The following CALN1 variants were observed in gnomAD, a reference collection of about 807,000 sequenced individuals.
CALN1 encodes the protein calneuron 1.
CALN1 carries 17 observed loss-of-function variants against 30.6 expected under a neutral mutation model. The ratio of observed to expected loss-of-function variants is 0.56; its 90% confidence interval spans 0.38 to 0.83. The LOEUF (loss-of-function observed/expected upper bound fraction) is 0.83, where lower values mean the gene tolerates loss of function less well. CALN1 is among the 40% of genes least tolerant of loss of function. The pLI, the probability that CALN1 is intolerant of heterozygous loss-of-function variation, is 0.00. For synonymous variants in CALN1, 156 were observed against 131.4 expected, an observed-to-expected ratio of 1.19 and a Z score of -1.28; for missense variants, 291 against 354.9, an observed-to-expected ratio of 0.82 and a Z score of 1.45.
intron 5 of CALN1, among the ~76,000 whole-genome samples, chr7:72,008,296 T>C (rs1453342824): frequency 6.6e-6 from 1 of 152,092 alleles, no homozygotes; most frequent in Non-Finnish European, 1.5e-5. Context: ...CAAATAACTA[T>C]TGAGTGAATG....
At chr7:72,217,007 G>T (rs1310909778) in intron 3 of CALN1, among the ~76,000 whole-genome samples, 3 of 152,050 alleles carry the variant, frequency 2.0e-5, no homozygotes, top group African/African-American at 7.2e-5. Flanking sequence ...CAAAGTGCTG[G>T]GATTACAGGT....
At chr7:71,902,331 C>T (rs1486714567) in intron 5 of CALN1, among the ~76,000 whole-genome samples, 1 of 150,890 alleles carries the variant, frequency 6.6e-6, no homozygotes, top group African/African-American at 2.4e-5. Context: ...CATCACTAAT[C>T]ATCAGAGAAA....
intron 2 of CALN1, among the ~76,000 whole-genome samples, chr7:72,350,467 C>A (rs1013468029): frequency 2.6e-5 from 4 of 152,194 alleles, no homozygotes; most frequent in Non-Finnish European, 5.9e-5. Context: ...AGAATGAGAT[C>A]ATGTCTTTTG....
At chr7:71,824,947 A>G (rs770708524) in intron 5 of CALN1, among the ~76,000 whole-genome samples, 5 of 152,172 alleles carry the variant, frequency 3.3e-5, no homozygotes, top group Non-Finnish European at 7.3e-5. Flanking sequence ...ATCTTGGTAC[A>G]CAGTATAAAA....
intron 2 of CALN1, among the ~76,000 whole-genome samples, chr7:72,307,896 C>CA (rs59226068): frequency 4.0e-4 from 59 of 146,170 alleles, no homozygotes; most frequent in African/African-American, 1.4e-3. Context: ...AAGGCAGAGA[C>CA]AAAAAAAAAA....
At chr7:71,934,277 T>C (rs1179702943) in intron 5 of CALN1, among the ~76,000 whole-genome samples, 1 of 152,210 alleles carries the variant, frequency 6.6e-6, no homozygotes, top group Non-Finnish European at 1.5e-5. Flanking sequence ...TTAAGTGGAA[T>C]AGAGAAAACT....
chr7:72,025,717 G>A (rs570482662), intron 4 of CALN1, among the ~76,000 whole-genome samples: 1 of 152,196 alleles, frequency 6.6e-6, no homozygotes, highest in East Asian at 1.9e-4. Context: ...TACCTTGGCT[G>A]CAGCCAGCAC....
intron 5 of CALN1, among the ~76,000 whole-genome samples, chr7:71,840,805 G>A (rs748254318): frequency 3.9e-5 from 6 of 152,154 alleles, no homozygotes; most frequent in Admixed American, 1.3e-4. Context: ...GGTAGCCTTC[G>A]TTAGCACTGT....
intron 1 of CALN1, among the ~76,000 whole-genome samples, chr7:72,437,219 G>A (rs535111128): frequency 6.6e-6 from 1 of 152,102 alleles, no homozygotes; most frequent in African/African-American, 2.4e-5. Context: ...GGCGATCTGG[G>A]GTTTAGCTCT....
intron 5 of CALN1, among the ~76,000 whole-genome samples, chr7:71,936,220 T>G (rs1795821895): frequency 6.6e-6 from 1 of 151,962 alleles, no homozygotes; most frequent in African/African-American, 2.4e-5. Context: ...ATGAGTGGAC[T>G]GGGCGCGGTG....
In CALN1 at chr7:71,849,436, A is replaced by ATTTT. The variant is rs3063933; in HGVS notation, c.502-38948_502-38945dup. Among the ~76,000 whole-genome samples, 690 of 140,256 alleles carry ATTTT rather than the reference A, an allele frequency of 4.9e-3. 4 individuals carry two copies. The highest frequency in any genetic ancestry group is 0.017 in the African/African-American group (641 of 38,130). 92.0% of individuals were successfully genotyped at this position (140,256 alleles called of 152,430 possible). On this transcript the variant is annotated intron_variant, in intron 5 of 6. Coordinates refer to ENST00000395275, the MANE Select transcript of CALN1 (RefSeq NM_031468.4). ...TTCTTTTTCAATCTTGGATCTTCCT[A>ATTTT]TTTTTTTTTTTTTTTGCCACATGTA...
intron 2 of CALN1, among the ~76,000 whole-genome samples, chr7:72,323,317 C>CGAA (rs1801025435): frequency 1.3e-5 from 2 of 152,100 alleles, no homozygotes; most frequent in African/African-American, 4.8e-5. Flanking sequence ...GGAAGCCCTT[C>CGAA]GTGTGAAGCT....
chr7:72,095,000 C>T (rs961080706), intron 4 of CALN1, among the ~76,000 whole-genome samples: 4 of 152,096 alleles, frequency 2.6e-5, no homozygotes, highest in Middle Eastern at 3.4e-3. Flanking sequence ...GACTCAGGGG[C>T]GTGTGTGTGT....
intron 2 of CALN1, among the ~76,000 whole-genome samples, chr7:72,334,548 G>A (rs1193916530): frequency 2.6e-5 from 4 of 151,662 alleles, no homozygotes; most frequent in South Asian, 2.1e-4. Context: ...CAGAGGAAAG[G>A]GCATCATGTG....
At chr7:71,793,103 G>A (rs998152807) in intron 6 of CALN1, among the ~76,000 whole-genome samples, 4 of 152,004 alleles carry the variant, frequency 2.6e-5, no homozygotes, top group African/African-American at 4.8e-5. Flanking sequence ...TCAGGAGTTC[G>A]AGACCAGCTT....
intron 2 of CALN1, among the ~76,000 whole-genome samples, chr7:72,379,090 T>G (rs934266700): frequency 7.9e-5 from 12 of 152,228 alleles, no homozygotes; most frequent in African/African-American, 1.4e-4. Flanking sequence ...ATTTTTTCAT[T>G]TGTCAAAATT....
intron 5 of CALN1, among the ~76,000 whole-genome samples, chr7:71,927,616 C>T (rs1486792979): frequency 6.6e-6 from 1 of 152,162 alleles, no homozygotes; most frequent in Non-Finnish European, 1.5e-5. Flanking sequence ...CTCTGTGTGT[C>T]TGTACCTCAG....
chr7:71,850,610 T>C (rs1790581728), intron 5 of CALN1, among the ~76,000 whole-genome samples: 1 of 152,180 alleles, frequency 6.6e-6, no homozygotes, highest in African/African-American at 2.4e-5. Context: ...AAACAGTATA[T>C]TTTTTGTAGG....
Position 72,247,227 on chromosome 7 carries a change from C to CTTTTTTTTTTTTTT in CALN1, c.244+31445_244+31458dup, listed in dbSNP as rs764276435. Among the ~76,000 whole-genome samples, 32 of 77,706 alleles carry CTTTTTTTTTTTTTT rather than the reference C, an allele frequency of 4.1e-4. 3 individuals are homozygous for CTTTTTTTTTTTTTT. Among genetic ancestry groups the CTTTTTTTTTTTTTT allele is most frequent in the Non-Finnish European group, 5.6e-4 (24 of 42,960 alleles). 51.0% of individuals were successfully genotyped at this position (77,706 alleles called of 152,430 possible). On this transcript the variant is annotated intron_variant, in intron 3 of 6. Transcript: ENST00000395275. ...GGGTTTTCAACAGACCATTTTCTTTCTTTTTTTTTTTTTTTTTTTTTTTTT... is the reference window on the plus strand; with the variant it reads ...GGGTTTTCAACAGACCATTTTCTTTCTTTTTTTTTTTTTTTTTTTTTTTTTTTTTTTTTTTTTTT...
Sources: gnomAD v4.1 joint callset for allele counts (sites outside exome capture counted in the v4.1 genomes callset) on GRCh38, gnomAD v4.1.1 for gene constraint, MANE v1.5 for transcripts, NCBI Gene and HGNC (gene_info 2026-07-23, HGNC 2026-07-21) for gene names.